AGBL4: variants seen among roughly 807,000 people sequenced by gnomAD.
AGBL4 encodes the protein AGBL carboxypeptidase 4.
A neutral mutation model predicts 66.4 loss-of-function variants in AGBL4; 58 were observed. The ratio of observed to expected loss-of-function variants is 0.87; its 90% CI spans 0.71 to 1.09. The LOEUF is 1.09. AGBL4 is among the 50% of genes least tolerant of loss of function. The pLI is 0.00. For synonymous variants in AGBL4, 234 were observed against 222.9 expected (o/e 1.05, Z -0.44); for missense variants, 579 against 631.0 (o/e 0.92, Z 0.88).
At chr1:49,511,712 C>A (rs1419401452) in intron 3 of AGBL4, among the ~76,000 whole-genome samples, 1 of 151,738 alleles carries the variant, frequency 6.6e-6, no homozygotes, top group Non-Finnish European at 1.5e-5. Flanking sequence ...CTATGAAATG[C>A]AGTGGGGAGA....
chr1:49,469,822 A>G (rs1185005548), intron 3 of AGBL4: 1 of 151,886 alleles, frequency 6.6e-6, no homozygotes, highest in Admixed American at 6.6e-5. Context: ...TTTCTTACTA[A>G]ATAAGTATTT....
chr1:49,189,192 G>C (rs966436258), intron 4 of AGBL4, among the ~76,000 whole-genome samples: 2 of 152,136 alleles, frequency 1.3e-5, no homozygotes, highest in African/African-American at 4.8e-5. Context: ...ACCATAGTCT[G>C]GCAAACTGGA....
At chr1:49,095,484 G>A (rs1367438538) in intron 4 of AGBL4, among the ~76,000 whole-genome samples, 2 of 152,078 alleles carry the variant, frequency 1.3e-5, no homozygotes, top group Non-Finnish European at 2.9e-5. Context: ...TACCAAAACA[G>A]AGATAGATAT....
chr1:48,868,637 GTTA>G (rs1206947568), intron 5 of AGBL4, among the ~76,000 whole-genome samples: 2 of 152,150 alleles, frequency 1.3e-5, no homozygotes, highest in African/African-American at 2.4e-5. Context: ...TATTGATGTT[GTTA>G]TTATTACAGA....
intron 3 of AGBL4, among the ~76,000 whole-genome samples, chr1:49,665,317 T>G (rs1344859288): frequency 6.6e-6 from 1 of 152,158 alleles, no homozygotes; most frequent in Non-Finnish European, 1.5e-5. Flanking sequence ...GTTTTTATTT[T>G]TGGTATCCAA....
intron 3 of AGBL4, among the ~76,000 whole-genome samples, chr1:49,561,107 A>G (rs1644028040): frequency 6.6e-6 from 1 of 152,078 alleles, no homozygotes; most frequent in Non-Finnish European, 1.5e-5. Flanking sequence ...CTCATAGCAC[A>G]AAGATTGAAT....
chr1:48,539,596 C>G (rs528391872), intron 12 of AGBL4, 46 bp downstream of exon 12: 2 of 1,425,010 alleles, frequency 1.4e-6, no homozygotes, highest in South Asian at 2.9e-5. Flanking sequence ...TGAATACAGC[C>G]CGTGGAGCAG....
chr1:49,542,921 A>AC (rs1652175921), intron 3 of AGBL4, among the ~76,000 whole-genome samples: 1 of 150,812 alleles, frequency 6.6e-6, no homozygotes, highest in Admixed American at 6.6e-5. Flanking sequence ...AAAAAAAAAA[A>AC]AAAACTCAAC....
chr1:49,075,920 G>A (rs1644700627), intron 4 of AGBL4, among the ~76,000 whole-genome samples: 1 of 152,150 alleles, frequency 6.6e-6, no homozygotes. Context: ...TGAAAATTAA[G>A]AAATCAACAA....
intron 6 of AGBL4, among the ~76,000 whole-genome samples, chr1:48,690,989 A>AC (rs1318247686): frequency 6.6e-6 from 1 of 151,726 alleles, no homozygotes; most frequent in Non-Finnish European, 1.5e-5. Context: ...ATATGGTGAA[A>AC]CCCCGTCTCT....
At chr1:49,296,925 A>G (rs1208182459) in intron 3 of AGBL4, among the ~76,000 whole-genome samples, 1 of 152,204 alleles carries the variant, frequency 6.6e-6, no homozygotes, top group Non-Finnish European at 1.5e-5. Context: ...CAAGTGGCAC[A>G]ATAGACTCCA....
At chr1:49,308,448 A>G (rs1644887475) in intron 3 of AGBL4, among the ~76,000 whole-genome samples, 1 of 152,112 alleles carries the variant, frequency 6.6e-6, no homozygotes, top group Non-Finnish European at 1.5e-5. Flanking sequence ...AATGCAAGGA[A>G]AAGTATGCTG....
chr1:49,845,518 G>A, intron 2 of AGBL4: 1 of 1,581,880 alleles, frequency 6.3e-7, no homozygotes. Context: ...GTGTGGCAAG[G>A]CCTTGATCCA....
intron 2 of AGBL4, among the ~76,000 whole-genome samples, chr1:49,738,654 C>T (rs965778015): frequency 6.6e-6 from 1 of 152,218 alleles, no homozygotes; most frequent in African/African-American, 2.4e-5. Context: ...GAGGCACCCC[C>T]CAGTAGGGGC....
chr1:49,302,607 TTTTTTA>T (rs1457884872), intron 3 of AGBL4, among the ~76,000 whole-genome samples: 3 of 114,942 alleles, frequency 2.6e-5, no homozygotes, highest in Admixed American at 8.5e-5. Context: ...TTTATTTTAT[TTTTTTA>T]TTTTATTTTA....
intron 3 of AGBL4, among the ~76,000 whole-genome samples, chr1:49,351,366 C>A (rs1487068409): frequency 6.6e-6 from 1 of 151,916 alleles, no homozygotes; most frequent in African/African-American, 2.4e-5. Flanking sequence ...TAACTTATTA[C>A]CTCTTTTAGA....
chr1:48,719,378 AG>A (rs113004895), intron 6 of AGBL4, among the ~76,000 whole-genome samples: 4 of 152,296 alleles, frequency 2.6e-5, no homozygotes, highest in African/African-American at 9.6e-5. Context: ...TTAAGGAGGA[AG>A]GGGGGTGGGC....
chr1:49,979,258 G>A (rs1378314455), intron 1 of AGBL4, among the ~76,000 whole-genome samples: 1 of 151,448 alleles, frequency 6.6e-6, no homozygotes, highest in Non-Finnish European at 1.5e-5. Flanking sequence ...TCAGGAGATC[G>A]AGACCATCCT....
chr1:49,235,718 A>G (rs759772108), intron 4 of AGBL4, among the ~76,000 whole-genome samples: 2 of 152,212 alleles, frequency 1.3e-5, no homozygotes, highest in Non-Finnish European at 2.9e-5. Context: ...TGGAAATAGA[A>G]GAGGATGGCC....
Sources: gnomAD v4.1 joint callset for allele counts (sites outside exome capture counted in the v4.1 genomes callset) on GRCh38, gnomAD v4.1.1 for gene constraint, MANE v1.5 for transcripts, NCBI Gene and HGNC (gene_info 2026-07-23, HGNC 2026-07-21) for gene names.